The following SLC30A8 variants were observed in gnomAD, a reference collection of about 807,000 sequenced individuals.
The protein encoded by SLC30A8 is proton-coupled zinc antiporter SLC30A8.
In SLC30A8, 27 loss-of-function variants were observed where a neutral mutation model predicts 36.9. The observed-to-expected ratio is 0.73, with a 90% CI of 0.54 to 1.01. The LOEUF (loss-of-function observed/expected upper bound fraction) is 1.01. SLC30A8 is among the 50% of genes least tolerant of loss of function. SLC30A8 has a pLI of 0.00. For missense variants in SLC30A8, 439 were observed against 452.0 expected (o/e 0.97, Z 0.26); for synonymous variants, 164 against 172.4 (o/e 0.95, Z 0.38).
intron 2 of SLC30A8, among the ~76,000 whole-genome samples, chr8:117,105,716 G>T (rs946415374): frequency 6.6e-6 from 1 of 152,086 alleles, no homozygotes; most frequent in African/African-American, 2.4e-5. Context: ...CCACATTATT[G>T]AGGATAATCT....
intron 2 of SLC30A8, among the ~76,000 whole-genome samples, chr8:117,069,897 T>G (rs961759664): frequency 3.9e-5 from 6 of 152,242 alleles, no homozygotes; most frequent in African/African-American, 1.4e-4. Context: ...GAAGTAGGTT[T>G]GATCATTAGT....
intron 1 of SLC30A8, among the ~76,000 whole-genome samples, chr8:116,956,889 C>T (rs1025328733): frequency 8.5e-5 from 13 of 152,172 alleles, no homozygotes; most frequent in Non-Finnish European, 1.6e-4. Flanking sequence ...TAGTCAACAT[C>T]TTATTCATAG....
At chr8:117,102,408 A>G (rs547070138) in intron 2 of SLC30A8, among the ~76,000 whole-genome samples, 11 of 152,316 alleles carry the variant, frequency 7.2e-5, no homozygotes, top group Admixed American at 7.2e-4. Flanking sequence ...CTCTGACTTT[A>G]AAAAGATCGA....
At chr8:116,958,828 T>C (rs1414661946) in intron 1 of SLC30A8, among the ~76,000 whole-genome samples, 2 of 150,318 alleles carry the variant, frequency 1.3e-5, no homozygotes, top group African/African-American at 4.9e-5. Flanking sequence ...TATAGCCCAC[T>C]GATGCTCTTT....
At chr8:117,028,527 A>C (rs1264453331) in intron 1 of SLC30A8, among the ~76,000 whole-genome samples, 1 of 150,610 alleles carries the variant, frequency 6.6e-6, no homozygotes, top group Non-Finnish European at 1.5e-5. Flanking sequence ...GACATGTATA[A>C]ATCTCTGCAT....
rs1823662691 is a variant in SLC30A8, at chr8:117,176,013, G to C, written c.*3332G>C. On this transcript the variant is annotated 3_prime_UTR_variant, in exon 8 of 8. Transcript: ENST00000456015. ...AAAAAGAACAACTGTCCAGTGCAAT[G>C]AAGGCAAAGTCATAGGTCTCCCAAG... The C allele has an allele frequency of 6.6e-6, 1 of 152,076 alleles. No homozygotes were observed. Among genetic ancestry groups the C allele is most frequent in the South Asian group, 2.1e-4 (1 of 4,830 alleles). The allele number at this position is 152,076 out of a possible 1,614,324, so 9.4% of individuals were successfully genotyped here.
intron 2 of SLC30A8, among the ~76,000 whole-genome samples, chr8:117,069,697 G>A (rs1042131912): frequency 1.3e-5 from 2 of 152,300 alleles, no homozygotes; most frequent in Admixed American, 6.5e-5. Flanking sequence ...TGAATTTAGC[G>A]TTCTTGAATT....
chr8:117,073,258 C>CT (rs35458253), intron 2 of SLC30A8, among the ~76,000 whole-genome samples: 1,510 of 140,234 alleles, frequency 0.011, 12 homozygotes, highest in Non-Finnish European at 0.015. Flanking sequence ...ATTTCTTTCA[C>CT]TTTTTTTTTT....
intron 2 of SLC30A8, among the ~76,000 whole-genome samples, chr8:117,109,733 G>C (rs1377969362): frequency 6.6e-6 from 1 of 152,136 alleles, no homozygotes; most frequent in East Asian, 1.9e-4. Context: ...TTGAAAAATT[G>C]CTATCTCAAC....
intron 1 of SLC30A8, among the ~76,000 whole-genome samples, chr8:117,031,263 G>A (rs188249953): frequency 8.9e-4 from 136 of 152,266 alleles, no homozygotes; most frequent in African/African-American, 3.2e-3. Flanking sequence ...CAAGATAGAT[G>A]TTGCCATTAG....
At chr8:117,157,409 G>T (rs572759246) in intron 3 of SLC30A8, among the ~76,000 whole-genome samples, 1 of 152,234 alleles carries the variant, frequency 6.6e-6, no homozygotes, top group South Asian at 2.1e-4. Context: ...GGAAAACAGG[G>T]GGTAGGGGCA....
At chr8:117,091,849 C>T (rs1338939995) in intron 2 of SLC30A8, among the ~76,000 whole-genome samples, 2 of 152,086 alleles carry the variant, frequency 1.3e-5, no homozygotes, top group Non-Finnish European at 2.9e-5. Context: ...ATGTCAGTTT[C>T]AGGGCTGATC....
chr8:116,963,533 C>G (rs1401410435), intron 1 of SLC30A8, among the ~76,000 whole-genome samples: 1 of 152,196 alleles, frequency 6.6e-6, no homozygotes, highest in Non-Finnish European at 1.5e-5. Flanking sequence ...ATTTTTGTAT[C>G]TGGCTTTTCA....
At chr8:116,992,596 C>T (rs1311940801) in intron 1 of SLC30A8, among the ~76,000 whole-genome samples, 1 of 151,998 alleles carries the variant, frequency 6.6e-6, no homozygotes, top group African/African-American at 2.4e-5. Flanking sequence ...GCAAAGCAGT[C>T]CCAAGTAGGT....
chr8:117,112,491 T>C (rs544348792), intron 2 of SLC30A8, among the ~76,000 whole-genome samples: 1 of 152,152 alleles, frequency 6.6e-6, no homozygotes, highest in South Asian at 2.1e-4. Flanking sequence ...ACTCATTGAG[T>C]GTCAAGGTCT....
At chr8:116,967,877 A>G (rs1814652109) in intron 1 of SLC30A8, among the ~76,000 whole-genome samples, 1 of 152,208 alleles carries the variant, frequency 6.6e-6, no homozygotes, top group African/African-American at 2.4e-5. Flanking sequence ...CTCTGTAGGC[A>G]ATATGAATCG....
chr8:117,151,710 G>A (rs1822199017), intron 2 of SLC30A8, among the ~76,000 whole-genome samples: 2 of 152,196 alleles, frequency 1.3e-5, no homozygotes, highest in Admixed American at 1.3e-4. Context: ...TGCTGTGATT[G>A]CAGCGTACTG....
chr8:117,000,874 A>G (rs1350502338), intron 1 of SLC30A8, among the ~76,000 whole-genome samples: 1 of 152,170 alleles, frequency 6.6e-6, no homozygotes, highest in Non-Finnish European at 1.5e-5. Context: ...TAATGGGCAC[A>G]TTGTGAGGAT....
rs150832734 is a variant in SLC30A8, at chr8:117,069,797, C to T, written c.-226+30539C>T. On this transcript the variant is annotated intron_variant, in intron 2 of 10. Transcript: ENST00000427715. ...CACAGTAGCAGTGTCCTGTGCATTG[C>T]GGCACCTTGTTTACCCAGGGGTGGG... is the stretch of plus-strand genomic sequence containing the variant. 3.5e-3 allele frequency among the ~76,000 whole-genome samples: 527 copies of T among 152,304 alleles called. 8 individuals carry two copies. The highest frequency in any genetic ancestry group is 0.012 in the African/African-American group (503 of 41,574).
Sources: allele counts gnomAD v4.1 joint callset (sites outside exome capture counted in the v4.1 genomes callset), GRCh38; gene constraint gnomAD v4.1.1; transcripts MANE v1.5; gene names NCBI Gene and HGNC (gene_info 2026-07-23, HGNC 2026-07-21).